The following ELMO1 variants were observed in gnomAD, a reference collection of about 807,000 sequenced individuals.
The protein encoded by ELMO1 is engulfment and cell motility 1, also known as engulfment and cell motility protein 1.
Under a neutral mutation model 98.9 loss-of-function variants are expected in ELMO1, and 26 were observed. That is an observed-to-expected ratio of 0.26 (90% confidence interval 0.19 to 0.36). The LOEUF (loss-of-function observed/expected upper bound fraction) is 0.36, where lower values mean the gene tolerates loss of function less well. Ranked by LOEUF, ELMO1 falls within the 10% of genes least tolerant of loss-of-function variation. The pLI is 1.00. For missense variants in ELMO1, 627 were observed against 935.2 expected, an observed-to-expected ratio of 0.67 and a Z score of 4.30; for synonymous variants, 346 against 346.0, an observed-to-expected ratio of 1.00 and a Z score of 0.00.
chr7:37,034,420 T>C (rs1253056446), intron 15 of ELMO1, among the ~76,000 whole-genome samples: 2 of 152,138 alleles, frequency 1.3e-5, no homozygotes, highest in African/African-American at 4.8e-5. Flanking sequence ...AATTATGTTG[T>C]TTAAACCACT....
intron 16 of ELMO1, chr7:36,986,045 G>A: frequency 1.6e-5 from 16 of 1,000,942 alleles, no homozygotes; most frequent in Non-Finnish European, 1.7e-5. Flanking sequence ...GATGGTTCCT[G>A]AGTAAGCTTG....
intron 16 of ELMO1, among the ~76,000 whole-genome samples, chr7:36,953,217 TCA>T (rs1209242502): frequency 6.6e-6 from 1 of 152,088 alleles, no homozygotes; most frequent in Non-Finnish European, 1.5e-5. Context: ...TCCACCCACC[TCA>T]GTCTCCCAAA....
rs148363098 is a variant in ELMO1, at chr7:36,909,244, G to C, written c.1438-14227C>G. Among the ~76,000 whole-genome samples, 659 of 152,316 alleles carry C rather than the reference G, an allele frequency of 4.3e-3. 1 individual carries two copies. The highest frequency in any genetic ancestry group is 7.8e-3 in the Non-Finnish European group (528 of 68,024). On this transcript the variant is annotated intron_variant, in intron 16 of 21. Transcript: ENST00000310758. ...TGAGTAGTAAGTAAGCACTCAAGTA[G>C]TAAGTAAATAAGAAAGGTGTTTATT...
At chr7:37,185,529 C>T (rs1321088615) in intron 13 of ELMO1, among the ~76,000 whole-genome samples, 1 of 152,108 alleles carries the variant, frequency 6.6e-6, no homozygotes, top group East Asian at 1.9e-4. Flanking sequence ...TAGATTCAAG[C>T]TTTTGTTGGA....
chr7:37,283,237 G>C (rs1255957113), intron 4 of ELMO1, among the ~76,000 whole-genome samples: 1 of 152,186 alleles, frequency 6.6e-6, no homozygotes, highest in African/African-American at 2.4e-5. Context: ...AGAACAACAT[G>C]CTTTTCTGGA....
chr7:37,042,121 GAA>G (rs200188901), intron 15 of ELMO1, among the ~76,000 whole-genome samples: 115 of 97,200 alleles, frequency 1.2e-3, no homozygotes, highest in African/African-American at 3.9e-3. Flanking sequence ...CCGTCTCTAC[GAA>G]AAAAAAAAAA....
chr7:37,064,350 C>T (rs1243806608), intron 15 of ELMO1, among the ~76,000 whole-genome samples: 1 of 152,146 alleles, frequency 6.6e-6, no homozygotes, highest in Non-Finnish European at 1.5e-5. Context: ...GAGCTCCTGC[C>T]CTGGGATCTG....
chr7:36,879,090 C>T (rs560546516), intron 18 of ELMO1, among the ~76,000 whole-genome samples: 68 of 152,324 alleles, frequency 4.5e-4, no homozygotes, highest in African/African-American at 1.6e-3. Flanking sequence ...TTATCTGCTA[C>T]AGACCCTAGG....
chr7:37,140,226 A>T (rs1371679283), intron 13 of ELMO1, among the ~76,000 whole-genome samples: 1 of 151,604 alleles, frequency 6.6e-6, no homozygotes, highest in Non-Finnish European at 1.5e-5. Flanking sequence ...AAAAAAAAAA[A>T]ATACAAAAAA....
At chr7:37,118,498 G>C (rs1785753845) in intron 14 of ELMO1, among the ~76,000 whole-genome samples, 1 of 152,172 alleles carries the variant, frequency 6.6e-6, no homozygotes, top group Admixed American at 6.5e-5. Context: ...AAGATGAAAT[G>C]CCTGCTTTCT....
intron 14 of ELMO1, among the ~76,000 whole-genome samples, chr7:37,120,597 G>A (rs112933384): frequency 0.015 from 2,255 of 152,330 alleles, 27 homozygotes; most frequent in Middle Eastern, 0.027. Flanking sequence ...CGCCATTGCT[G>A]AGGCTTGAGT....
At chr7:37,067,062 T>A (rs1262641425) in intron 15 of ELMO1, among the ~76,000 whole-genome samples, 1 of 152,202 alleles carries the variant, frequency 6.6e-6, no homozygotes, top group Non-Finnish European at 1.5e-5. Flanking sequence ...ACAGACTGAA[T>A]TTATGAGACA....
At chr7:37,266,945 G>A (rs899517331) in intron 5 of ELMO1, among the ~76,000 whole-genome samples, 35 of 151,330 alleles carry the variant, frequency 2.3e-4, no homozygotes, top group Admixed American at 1.3e-3. Flanking sequence ...CCCAGGAGGC[G>A]GAGATTTTAG....
At chr7:37,311,209 A>C (rs980585007) in intron 4 of ELMO1, among the ~76,000 whole-genome samples, 3 of 152,232 alleles carry the variant, frequency 2.0e-5, no homozygotes, top group African/African-American at 7.2e-5. Flanking sequence ...GACTATTTCA[A>C]AAAATGGGCT....
chr7:37,353,635 G>A (rs1801376262), intron 1 of ELMO1: 1 of 152,176 alleles, frequency 6.6e-6, no homozygotes. Flanking sequence ...GGGGACCCAG[G>A]TTGCTGCTAC....
intron 16 of ELMO1, among the ~76,000 whole-genome samples, chr7:36,989,000 T>A (rs879422881): frequency 6.6e-6 from 1 of 152,344 alleles, no homozygotes; most frequent in Middle Eastern, 3.4e-3. Context: ...AACAATCTAT[T>A]TCAAGACATC....
At chr7:36,887,071 C>T (rs1295592317) in intron 18 of ELMO1, among the ~76,000 whole-genome samples, 1 of 152,188 alleles carries the variant, frequency 6.6e-6, no homozygotes, top group Non-Finnish European at 1.5e-5. Context: ...AGTTTGAATC[C>T]TTGCTCTTCT....
intron 16 of ELMO1, among the ~76,000 whole-genome samples, chr7:36,958,101 C>T (rs574168868): frequency 6.6e-6 from 1 of 152,320 alleles, no homozygotes; most frequent in African/African-American, 2.4e-5. Context: ...CCACCTTTTC[C>T]TTGTCCATCA....
At chr7:37,080,895 C>T (rs1376524295) in intron 15 of ELMO1, among the ~76,000 whole-genome samples, 1 of 152,072 alleles carries the variant, frequency 6.6e-6, no homozygotes, top group Non-Finnish European at 1.5e-5. Flanking sequence ...AAACTCTTTT[C>T]CAGACACTAT....
Sources: allele counts gnomAD v4.1 joint callset (sites outside exome capture counted in the v4.1 genomes callset), GRCh38; gene constraint gnomAD v4.1.1; transcripts MANE v1.5; gene names NCBI Gene and HGNC (gene_info 2026-07-23, HGNC 2026-07-21).